The following VNN1 variants were observed in gnomAD, a reference collection of about 807,000 sequenced individuals.
The protein encoded by VNN1 is pantetheinase.
Under a neutral mutation model 41.9 loss-of-function variants are expected in VNN1, and 29 were observed. The observed-to-expected ratio is 0.69, with a 90% CI of 0.52 to 0.94. The LOEUF (loss-of-function observed/expected upper bound fraction) is 0.94, where lower values mean the gene tolerates loss of function less well. Ranked by LOEUF, VNN1 falls within the 40% of genes least tolerant of loss-of-function variation. The pLI, the probability that VNN1 is intolerant of heterozygous loss-of-function variation, is 0.00. For synonymous variants in VNN1, 233 were observed against 224.4 expected (o/e 1.04, Z -0.34); for missense variants, 637 against 621.1 (o/e 1.03, Z -0.27).
chr6:132,688,820 G>A (rs552760936), intron 5 of VNN1, among the ~76,000 whole-genome samples: 1 of 152,232 alleles, frequency 6.6e-6, no homozygotes, highest in African/African-American at 2.4e-5. Context: ...TTGTACCTGT[G>A]TTCATGATAC....
At position 132,711,987 on chromosome 6, in the gene VNN1, G is replaced by A. The variant is rs139078536; in HGVS notation, c.211-148C>T. The A allele has an allele frequency of 3.1e-4, 251 of 801,584 alleles. 1 individual carries two copies. The African/African-American group carries it at 4.2e-3, about 14-fold the overall frequency. The allele number at this position is 801,584 out of a possible 1,614,324, so 49.7% of individuals were successfully genotyped here. On this transcript the variant is annotated intron_variant, in intron 1 of 6. Coordinates refer to ENST00000367928, the MANE Select transcript of VNN1 (RefSeq NM_004666.3). ...TTTATAATTTATTTTCTTTTCCAAA[G>A]CATTTTAATTTCCTTTTTTTTCAGT...
chr6:132,703,894 G>A (rs1441225575), intron 2 of VNN1, among the ~76,000 whole-genome samples: 1 of 152,062 alleles, frequency 6.6e-6, no homozygotes, highest in African/African-American at 2.4e-5. Flanking sequence ...AAAACAAAAG[G>A]AGCAGGGGTA....
At chr6:132,686,139 C>T (rs1327873589) in intron 5 of VNN1, among the ~76,000 whole-genome samples, 2 of 152,160 alleles carry the variant, frequency 1.3e-5, no homozygotes, top group Non-Finnish European at 2.9e-5. Context: ...GACATACTTA[C>T]ACTTTTTAAA....
intron 1 of VNN1, 74 bp from the exon 2 acceptor site, chr6:132,711,913 T>A: frequency 1.8e-5 from 27 of 1,527,838 alleles, no homozygotes; most frequent in Non-Finnish European, 2.3e-5. Context: ...GAGTAACAAC[T>A]ATTTGGGCTT....
intron 2 of VNN1, among the ~76,000 whole-genome samples, chr6:132,711,398 G>T (rs1778597298): frequency 6.6e-6 from 1 of 152,106 alleles, no homozygotes; most frequent in Non-Finnish European, 1.5e-5. Flanking sequence ...ACTCTCTTTT[G>T]CCATTTACTC....
At chr6:132,687,839 T>TA (rs1299758159) in intron 5 of VNN1, among the ~76,000 whole-genome samples, 1 of 151,998 alleles carries the variant, frequency 6.6e-6, no homozygotes, top group Non-Finnish European at 1.5e-5. Flanking sequence ...TAACGAAATT[T>TA]AAAAAAATAA....
intron 2 of VNN1, among the ~76,000 whole-genome samples, chr6:132,709,049 C>A (rs903216026): frequency 6.6e-6 from 1 of 152,070 alleles, no homozygotes; most frequent in Non-Finnish European, 1.5e-5. Context: ...CACTGTGATG[C>A]CCTCAGACGA....
chr6:132,697,346 C>T (rs1267626335), intron 2 of VNN1, among the ~76,000 whole-genome samples: 1 of 151,952 alleles, frequency 6.6e-6, no homozygotes, highest in African/African-American at 2.4e-5. Flanking sequence ...AGACTAAATG[C>T]AGGGGATTCA....
At chr6:132,706,610 A>G (rs1778522682) in intron 2 of VNN1, among the ~76,000 whole-genome samples, 1 of 152,220 alleles carries the variant, frequency 6.6e-6, no homozygotes, top group Non-Finnish European at 1.5e-5. Context: ...AGATTTCTTG[A>G]GTAATACCCC....
chr6:132,686,025 T>C lies in VNN1; in HGVS notation c.1189-1520A>G, dbSNP rs138721978. Among the ~76,000 whole-genome samples the C allele has an allele frequency of 8.7e-4, 132 of 152,142 alleles. 1 individual carries two copies. The highest frequency in any genetic ancestry group is 3.1e-3 in the African/African-American group (127 of 41,538). On this transcript the variant is annotated intron_variant, in intron 5 of 6. Transcript: ENST00000367928. ...TCAGCAAGGATTTATCTTTCAGGAATAGGGTTGCCAGGTAAAACACAGGAC... is the reference window on the plus strand; with the variant it reads ...TCAGCAAGGATTTATCTTTCAGGAACAGGGTTGCCAGGTAAAACACAGGAC...
intron 2 of VNN1, among the ~76,000 whole-genome samples, chr6:132,706,451 A>T (rs1233868907): frequency 6.6e-6 from 1 of 152,232 alleles, no homozygotes; most frequent in Non-Finnish European, 1.5e-5. Context: ...CCAGATACCC[A>T]TATGCGGAAG....
chr6:132,698,205 C>G (rs1234588360), intron 2 of VNN1, among the ~76,000 whole-genome samples: 7 of 152,176 alleles, frequency 4.6e-5, no homozygotes, highest in Admixed American at 4.6e-4. Flanking sequence ...TTGCCCTGGG[C>G]ACAGAAGGAG....
At chr6:132,709,838 G>T (rs905281940) in intron 2 of VNN1, among the ~76,000 whole-genome samples, 1 of 152,136 alleles carries the variant, frequency 6.6e-6, no homozygotes, top group African/African-American at 2.4e-5. Flanking sequence ...AGGCCATTCA[G>T]AAATAAGTCA....
Position 132,680,895 on chromosome 6 carries a change from T to C in VNN1, c.*2245A>G, listed in dbSNP as rs998120745. Among the ~76,000 whole-genome samples, 7 of 152,112 alleles carry C rather than the reference T, an allele frequency of 4.6e-5. No individual in the cohort carries two copies. The highest frequency in any genetic ancestry group is 1.7e-4 in the African/African-American group (7 of 41,414). ...ATTTAATTATTCAATGTATAGAAAG[T>C]TTTTTAGTGTAGTGCTTTTCAGACG... is the stretch of plus-strand genomic sequence containing the variant. On this transcript the variant is annotated 3_prime_UTR_variant, in exon 7 of 7. Transcript: ENST00000367928.
intron 5 of VNN1, among the ~76,000 whole-genome samples, chr6:132,688,474 C>G (rs1399432045): frequency 6.6e-6 from 1 of 152,024 alleles, no homozygotes; most frequent in Admixed American, 6.6e-5. Flanking sequence ...TACCTCACAA[C>G]ACTAAGAAAG....
chr6:132,684,669 T>A (rs1778181800), intron 5 of VNN1, among the ~76,000 whole-genome samples, 164 bp from the exon 6 acceptor site: 1 of 152,080 alleles, frequency 6.6e-6, no homozygotes, highest in Non-Finnish European at 1.5e-5. Flanking sequence ...CTAGGATAAA[T>A]TTTAAAGATA....
At chr6:132,684,173 A>G (rs548869332) in intron 6 of VNN1, among the ~76,000 whole-genome samples, 162 bp downstream of exon 6, 1 of 152,328 alleles carries the variant, frequency 6.6e-6, no homozygotes, top group Non-Finnish European at 1.5e-5. Context: ...GAATTTCCAG[A>G]CAAGAAATGC....
chr6:132,693,859 C>T, intron 3 of VNN1, 131 bp downstream of exon 3: 1 of 1,070,850 alleles, frequency 9.3e-7, no homozygotes. Context: ...CACGCTTTAT[C>T]ATTACTTTCT....
chr6:132,712,147 T>C (rs1024972334), intron 1 of VNN1, among the ~76,000 whole-genome samples: 8 of 151,758 alleles, frequency 5.3e-5, no homozygotes, highest in South Asian at 2.1e-4. Flanking sequence ...GCATTTTTTT[T>C]TCTCTCTTTT....
Sources: allele counts gnomAD v4.1 joint callset (sites outside exome capture counted in the v4.1 genomes callset), GRCh38; gene constraint gnomAD v4.1.1; transcripts MANE v1.5; gene names NCBI Gene and HGNC (gene_info 2026-07-23, HGNC 2026-07-21).